The following SOX5 variants were observed in gnomAD, a reference collection of about 807,000 sequenced individuals.
The protein encoded by SOX5 is SRY-box transcription factor 5.
A neutral mutation model predicts 92.0 loss-of-function variants in SOX5; 9 were observed. The ratio of observed to expected loss-of-function variants is 0.10; its 90% CI spans 0.06 to 0.17. The LOEUF is 0.17. Among genes scored for constraint, SOX5 ranks in the 10% least tolerant of loss-of-function variants. The pLI, the probability that SOX5 is intolerant of heterozygous loss-of-function variation, is 1.00. For synonymous variants in SOX5, 344 were observed against 336.3 expected (o/e 1.02, Z -0.25); for missense variants, 642 against 944.5 (o/e 0.68, Z 4.20).
Position 24,329,612 on chromosome 12 carries a change from CAA to C in SOX5, c.-174+38949_-174+38950del, listed in dbSNP as rs201019632. On this transcript the variant is annotated intron_variant, in intron 2 of 4. Coordinates refer to the SOX5 transcript ENST00000446891. ...TGGTTCTATATTGGTTCTACACTGA[CAA>C]AGGTTTAAAAGTAGGTCATGGGAAT... Among the ~76,000 whole-genome samples the C allele has an allele frequency of 9.5e-4, 144 of 152,160 alleles. 1 individual carries two copies. In the East Asian group the frequency reaches 0.021, roughly 22 times the overall value.
intron 1 of SOX5, among the ~76,000 whole-genome samples, chr12:24,370,556 C>T (rs1292350221): frequency 2.7e-5 from 4 of 149,952 alleles, no homozygotes; most frequent in South Asian, 2.1e-4. Context: ...CTTTGGGAGG[C>T]GAAAGCAGGT....
chr12:23,579,400 T>C (rs1949733843), intron 9 of SOX5, among the ~76,000 whole-genome samples: 1 of 152,198 alleles, frequency 6.6e-6, no homozygotes, highest in Non-Finnish European at 1.5e-5. Flanking sequence ...ACATTCTTGA[T>C]CTTTATACTG....
rs1041225512 is a variant in SOX5, at chr12:23,795,646, G to GA, written c.482-39923dup. ...ACTGTTCAAATAATCCGGGAAAACA[G>GA]AAAAAATGCTGAATGGGAGTTTTGT... On this transcript the variant is annotated intron_variant, in intron 3 of 14. Transcript: ENST00000451604. Among the ~76,000 whole-genome samples, 7 of 151,986 alleles carry GA rather than the reference G, an allele frequency of 4.6e-5. No homozygotes were observed. The South Asian group carries it at 6.2e-4, about 13-fold the overall frequency.
chr12:24,314,684 C>G (rs927407009), intron 2 of SOX5, among the ~76,000 whole-genome samples: 3 of 152,148 alleles, frequency 2.0e-5, no homozygotes, highest in African/African-American at 7.2e-5. Context: ...CCTCCAATTA[C>G]CTTCTGACCA....
At chr12:24,480,287 A>G (rs1184653917) in intron 1 of SOX5, among the ~76,000 whole-genome samples, 1 of 152,156 alleles carries the variant, frequency 6.6e-6, no homozygotes, top group Non-Finnish European at 1.5e-5. Context: ...TAAATCTAAA[A>G]CCTCAAACTA....
In SOX5 at chr12:23,838,854, G is replaced by GGGT. The variant is rs2096473656; in HGVS notation, c.481+7128_481+7129insACC. On this transcript the variant is annotated intron_variant, in intron 3 of 14. Coordinates refer to ENST00000451604, the MANE Select transcript of SOX5 (RefSeq NM_006940.6). ...TAGTTCTTTTTTTTTGGGGGGGGGG[G>GGGT]GCGGGGATGGAGTCTCGCTTTGTCA... Among the ~76,000 whole-genome samples, 3 of 93,544 alleles carry GGGT rather than the reference G, an allele frequency of 3.2e-5. 1 individual carries two copies. Among genetic ancestry groups the GGGT allele is most frequent in the African/African-American group, 1.2e-4 (3 of 25,846 alleles). The allele number at this position is 93,544 out of a possible 152,430, so 61.4% of individuals were successfully genotyped here.
chr12:24,257,242 T>G (rs1047838892), intron 3 of SOX5, among the ~76,000 whole-genome samples: 3 of 152,254 alleles, frequency 2.0e-5, no homozygotes, highest in African/African-American at 7.2e-5. Flanking sequence ...TGCTAAATTT[T>G]TAATGATTTT....
rs187560479 is a variant in SOX5 at position 23,773,025 on chromosome 12, T to C, written c.482-17301A>G. 3.9e-5 allele frequency among the ~76,000 whole-genome samples: 6 copies of C among 152,310 alleles called. No homozygotes were observed. In the East Asian group the frequency reaches 1.2e-3, roughly 29 times the overall value. On this transcript the variant is annotated intron_variant, in intron 3 of 14. Coordinates refer to ENST00000451604, the MANE Select transcript of SOX5 (RefSeq NM_006940.6). ...ATCTACTATGCTTAGTTATTTGCAA[T>C]GCCAAAGTGTAGGAGAAACATTATT...
intron 4 of SOX5, among the ~76,000 whole-genome samples, chr12:24,080,991 T>G (rs1262306073): frequency 6.6e-6 from 1 of 152,014 alleles, no homozygotes; most frequent in Non-Finnish European, 1.5e-5. Context: ...TATTTTAGCC[T>G]GCTCTCTGTA....
Position 23,530,818 on chromosome 12 carries a change from T to TGTGTGTGTGTGTGCGC in SOX5, c.*3400_*3401insGCGCACACACACACAC. 8 of 132,052 alleles carry TGTGTGTGTGTGTGCGC rather than the reference T, an allele frequency of 6.1e-5. No homozygotes were observed. Among genetic ancestry groups the TGTGTGTGTGTGTGCGC allele is most frequent in the African/African-American group, 1.9e-4 (7 of 36,114 alleles). The allele number at this position is 132,052 out of a possible 1,614,324, so 8.2% of individuals were successfully genotyped here. A position where few individuals can be genotyped will look rare whatever the true frequency, so the allele number is the denominator to read the frequency against. ...GGGCAAGTGTGTGTGTGTGTGTGTG[T>TGTGTGTGTGTGTGCGC]GCGCGCGCGCGCGCGCGCATGTGAG... On this transcript the variant is annotated 3_prime_UTR_variant, in exon 15 of 15. Transcript: ENST00000451604.
At chr12:23,794,593 T>C (rs1404568423) in intron 3 of SOX5, among the ~76,000 whole-genome samples, 1 of 152,158 alleles carries the variant, frequency 6.6e-6, no homozygotes, top group Non-Finnish European at 1.5e-5. Context: ...AGTCATTTAA[T>C]CAACGTAGCA....
intron 8 of SOX5, among the ~76,000 whole-genome samples, chr12:23,638,862 C>T: frequency 6.8e-6 from 1 of 147,182 alleles, no homozygotes; most frequent in Admixed American, 6.8e-5. Context: ...TGTGTTTGTT[C>T]TGAATAACGG....
intron 2 of SOX5, among the ~76,000 whole-genome samples, chr12:24,303,914 G>T (rs1948277371): frequency 6.6e-6 from 1 of 151,164 alleles, no homozygotes. Context: ...CTTTTTTTTT[G>T]AAAATTGGGG....
chr12:24,356,685 T>C (rs1954871470), intron 2 of SOX5, among the ~76,000 whole-genome samples: 1 of 152,178 alleles, frequency 6.6e-6, no homozygotes, highest in Non-Finnish European at 1.5e-5. Flanking sequence ...ACCAGAAGAA[T>C]ATGCAAGGAC....
Position 23,917,173 on chromosome 12 carries a change from C to T in SOX5, c.39-21149G>A, listed in dbSNP as rs78867336. On this transcript the variant is annotated intron_variant, in intron 1 of 14. Coordinates refer to ENST00000451604, the MANE Select transcript of SOX5 (RefSeq NM_006940.6). The stretch of plus-strand genomic sequence containing the variant: ...TGCTATATAATATACAATAGATTTA[C>T]ATATAGAGATACAAGATTTTTTAAA... Among the ~76,000 whole-genome samples, 726 of 152,162 alleles carry T rather than the reference C, an allele frequency of 4.8e-3. 8 individuals are homozygous for T. Among genetic ancestry groups the T allele is most frequent in the African/African-American group, 0.017 (708 of 41,506 alleles).
chr12:23,905,658 G>A (rs1208286027), intron 1 of SOX5, among the ~76,000 whole-genome samples: 2 of 152,074 alleles, frequency 1.3e-5, no homozygotes, highest in East Asian at 1.9e-4. Context: ...ATTAATTAGA[G>A]TTAATTGTGA....
intron 1 of SOX5, among the ~76,000 whole-genome samples, chr12:23,931,432 C>G (rs919609286): frequency 2.0e-5 from 3 of 151,650 alleles, no homozygotes; most frequent in Non-Finnish European, 4.4e-5. Context: ...GACTCTAGAG[C>G]CTGTGCTGTA....
upstream of SOX5, among the ~76,000 whole-genome samples, chr12:23,955,404 T>C (rs778143582): frequency 6.6e-6 from 1 of 152,188 alleles, no homozygotes; most frequent in Non-Finnish European, 1.5e-5. Flanking sequence ...GTAATTTGGC[T>C]CTATTTTTAA....
intron 1 of SOX5, among the ~76,000 whole-genome samples, chr12:23,923,348 G>A (rs186124253): frequency 1.1e-3 from 158 of 144,482 alleles, no homozygotes; most frequent in African/African-American, 3.8e-3. Context: ...AAAGCATAAT[G>A]TAAGCTAATA....
Sources: allele counts gnomAD v4.1 joint callset (sites outside exome capture counted in the v4.1 genomes callset), GRCh38; gene constraint gnomAD v4.1.1; transcripts MANE v1.5; gene names NCBI Gene and HGNC (gene_info 2026-07-23, HGNC 2026-07-21).